The following TRIM41 variants were observed in gnomAD, a reference collection of about 807,000 sequenced individuals.
TRIM41 encodes the protein E3 ubiquitin-protein ligase TRIM41.
TRIM41 carries 21 observed loss-of-function variants against 60.6 expected under a neutral mutation model. The observed-to-expected ratio is 0.35, with a 90% CI of 0.25 to 0.50. TRIM41 has a LOEUF of 0.50. TRIM41 is among the 20% of genes least tolerant of loss of function. The pLI is 0.98. For synonymous variants in TRIM41, 407 were observed against 344.9 expected (o/e 1.18, Z -2.00); for missense variants, 846 against 868.3 (o/e 0.97, Z 0.32).
intron 2 of TRIM41, chr5:181,232,261 G>GT (rs201837499): frequency 0.013 from 2,720 of 203,940 alleles, 31 homozygotes; most frequent in South Asian, 0.032. Context: ...GGGAAAGGAT[G>GT]TTAACAGTTA....
Position 181,233,944 on chromosome 5 carries a change from AGGGTG to A in TRIM41, c.1291+193_1291+197del. Reference sequence around the variant, plus strand: ...GTAGACCTAGTGCAGGCAGGCCTGGAGGGTGGGGTGGGGTGGAGTGGCAGGAAGAG... The same window carrying A: ...GTAGACCTAGTGCAGGCAGGCCTGGAGGGTGGGGTGGAGTGGCAGGAAGAG... On this transcript the variant is annotated intron_variant, in intron 5 of 5. Transcript: ENST00000315073. This position sits in a 1 kb window ranked among gnomAD's most constrained non-coding sequence, Gnocchi z 4.1. The A allele has an allele frequency of 1.7e-6, 2 of 1,180,282 alleles. No homozygotes were observed. 73.1% of individuals were successfully genotyped at this position (1,180,282 alleles called of 1,614,324 possible).
chr5:181,234,207 C>G lies in TRIM41; in HGVS notation c.1325C>G (p.Pro442Arg). ...DLTLDPDTAH[P>R]ALMLSPDRRG... is the part of the protein sequence containing the mutation. ...ACGCTGGACCCTGACACGGCTCACC[C>G]GGCCCTGATGCTGTCCCCTGACCGC... The change falls in exon 6 of 6, where the codon CCG (proline) becomes CGG (arginine). Residue 442 changes from proline to arginine, a missense_variant. Transcript: ENST00000315073. The surrounding 1 kb of genome is among the most constrained non-coding windows in gnomAD (Gnocchi z 5.6). 1.2e-6 allele frequency: 2 copies of G among 1,612,946 alleles called. No homozygotes were observed. The highest frequency in any genetic ancestry group is 1.7e-6 in the Non-Finnish European group (2 of 1,179,986).
Position 181,223,400 on chromosome 5 carries a change from C to G in TRIM41, c.-600C>G, listed in dbSNP as rs942265769. On this transcript the variant is annotated 5_prime_UTR_variant, in exon 1 of 6. Transcript: ENST00000315073. ...AGACGGCCGCCAGGCGCTCCCCCTA[C>G]CCCCCGAAGTTTCTCCCCAGCGGCG... is the stretch of plus-strand genomic sequence containing the variant. The G allele has an allele frequency of 3.0e-5, 12 of 399,910 alleles. No homozygotes were observed. The Admixed American group carries it at 3.9e-4, about 13-fold the overall frequency. The allele number at this position is 399,910 out of a possible 1,614,324, so 24.8% of individuals were successfully genotyped here.
chr5:181,226,683 C>G (rs1229180624), intron 1 of TRIM41: 1 of 152,170 alleles, frequency 6.6e-6, no homozygotes, highest in Non-Finnish European at 1.5e-5. Context: ...AACAGGAACC[C>G]AGGCCAAACT....
Position 181,233,844 on chromosome 5 carries a change from A to G in TRIM41, c.1291+81A>G. On this transcript the variant is annotated intron_variant, in intron 5 of 5. Transcript: ENST00000315073. The surrounding 1 kb of genome is among the most constrained non-coding windows in gnomAD (Gnocchi z 4.1). ...TGGGTCCTGAGGGAAGTTGGGCCCC[A>G]GGGAAACTGTGGGGCTTGAGATGGA... is the stretch of plus-strand genomic sequence containing the variant. 6.2e-7 allele frequency: 1 copy of G among 1,602,130 alleles called. No individual in the cohort carries two copies. Among genetic ancestry groups the G allele is most frequent in the Non-Finnish European group, 8.5e-7 (1 of 1,171,330 alleles).
At chr5:181,232,395 G>A in intron 2 of TRIM41, 1 of 475,892 alleles carries the variant, frequency 2.1e-6, no homozygotes, top group African/African-American at 2.0e-5. Flanking sequence ...TTTAAGGTTG[G>A]ACCTGAAGGA....
At position 181,224,203 on chromosome 5, in the gene TRIM41, AGAG is replaced by A. The variant is rs1561666260; in HGVS notation, c.213_215del (p.Glu72del). ...ATCGGGAGGAGGAGGAGGAGGACGG[AGAG>A]GAGGAGGAAGTGGAGGCTGTGGGGG... On this transcript the variant is annotated inframe_deletion, in exon 1 of 6. Transcript: ENST00000315073. 8 of 1,610,980 alleles carry A rather than the reference AGAG, an allele frequency of 5.0e-6. No homozygotes were observed. Among genetic ancestry groups the A allele is most frequent in the South Asian group, 1.1e-5 (1 of 90,914 alleles).
At position 181,235,641 on chromosome 5, in the gene TRIM41, C is replaced by A. The variant is rs563043460; in HGVS notation, c.*866C>A. 2 of 522,460 alleles carry A rather than the reference C, an allele frequency of 3.8e-6. No individual in the cohort carries two copies. The highest frequency in any genetic ancestry group is 6.9e-6 in the Non-Finnish European group (2 of 291,772). The allele number at this position is 522,460 out of a possible 1,614,324, so 32.4% of individuals were successfully genotyped here. On this transcript the variant is annotated 3_prime_UTR_variant, in exon 6 of 6. Coordinates refer to ENST00000315073, the MANE Select transcript of TRIM41 (RefSeq NM_033549.5). ...CAAGCTCTGAGGGGGAGCCTGGGGA[C>A]GGGTTTGGGTCCCCAGGAGGAGAGC... is the stretch of plus-strand genomic sequence containing the variant.
chr5:181,233,901 G>A lies in TRIM41; in HGVS notation c.1291+138G>A, dbSNP rs1346288752. On this transcript the variant is annotated intron_variant, in intron 5 of 5. Coordinates refer to ENST00000315073, the MANE Select transcript of TRIM41 (RefSeq NM_033549.5). This position sits in a 1 kb window ranked among gnomAD's most constrained non-coding sequence, Gnocchi z 4.1. ...TCCAGGCAGCCACTCTGAGGTTGAG[G>A]TTTCAAGCCATGAGCAGGTAGACCT... 3.5e-6 allele frequency: 5 copies of A among 1,421,378 alleles called. No homozygotes were observed. Among genetic ancestry groups the A allele is most frequent in the Admixed American group, 1.9e-5 (1 of 51,660 alleles). 88.0% of individuals were successfully genotyped at this position (1,421,378 alleles called of 1,614,324 possible).
chr5:181,234,632 G>A lies in TRIM41; in HGVS notation c.1750G>A (p.Asp584Asn), dbSNP rs1758988389. Residue 584 changes from aspartate (D) to asparagine (N), a missense_variant, in exon 6 of 6, where the codon GAC (aspartate) becomes AAC (asparagine). By Grantham distance (23) the Asp-to-Asn change is conservative. Transcript: ENST00000315073. The surrounding 1 kb of genome is among the most constrained non-coding windows in gnomAD (Gnocchi z 5.6). ...ACCAAGGCGCTTTGGTGTGTACCTG[G>A]ACTATGAAGCTGGGCGCCTGGGCTT... is the stretch of plus-strand genomic sequence containing the variant. The part of the protein sequence containing the change: ...EKPRRFGVYL[D>N]YEAGRLGFYN... The A allele has an allele frequency of 6.2e-7, 1 of 1,614,240 alleles. No individual in the cohort carries two copies.
intron 1 of TRIM41, chr5:181,229,372 G>C (rs1424706609): frequency 6.6e-6 from 1 of 152,240 alleles, no homozygotes; most frequent in Admixed American, 6.5e-5. Flanking sequence ...GTCCTGACTG[G>C]AGTCAGGCTG....
At chr5:181,225,992 C>T (rs899206767) in intron 1 of TRIM41, 10 of 152,250 alleles carry the variant, frequency 6.6e-5, no homozygotes, top group African/African-American at 1.7e-4. Flanking sequence ...GTATTATTTT[C>T]GTTACCCCAA....
intron 1 of TRIM41, chr5:181,226,016 T>C (rs1758535790): frequency 6.6e-6 from 1 of 152,216 alleles, no homozygotes; most frequent in African/African-American, 2.4e-5. Flanking sequence ...TAGAGTAATG[T>C]GTCTAGGGTT....
At position 181,234,936 on chromosome 5, in the gene TRIM41, C is replaced by A. The variant is rs896339171; in HGVS notation, c.*161C>A. ...GGCCCCTGCTTCTCCCTCTAGGAGC[C>A]TAAAGAACCCTCCTGGCCTCCAGCT... is the stretch of plus-strand genomic sequence containing the variant. On this transcript the variant is annotated 3_prime_UTR_variant, in exon 6 of 6. Coordinates refer to ENST00000315073, the MANE Select transcript of TRIM41 (RefSeq NM_033549.5). This position sits in a 1 kb window ranked among gnomAD's most constrained non-coding sequence, Gnocchi z 5.6. 5 of 1,613,874 alleles carry A rather than the reference C, an allele frequency of 3.1e-6. No homozygotes were observed. The Admixed American group carries it at 5.0e-5, about 16-fold the overall frequency.
chr5:181,227,249 G>C (rs1184234039), intron 1 of TRIM41: 1 of 152,190 alleles, frequency 6.6e-6, no homozygotes, highest in South Asian at 2.1e-4. Context: ...CTGACATTAA[G>C]TGATGAGTAA....
Position 181,235,137 on chromosome 5 carries a change from C to G in TRIM41, c.*362C>G. 6.4e-7 allele frequency: 1 copy of G among 1,555,214 alleles called. No homozygotes were observed. ...CTTAACTTCCTTTTCCCCACCCCTGCTCTTCAACCTCTTTATCAGTTCTGA... is the reference window on the plus strand; with the variant it reads ...CTTAACTTCCTTTTCCCCACCCCTGGTCTTCAACCTCTTTATCAGTTCTGA... On this transcript the variant is annotated 3_prime_UTR_variant, in exon 6 of 6. Coordinates refer to ENST00000315073, the MANE Select transcript of TRIM41 (RefSeq NM_033549.5).
At chr5:181,225,048 G>A (rs1758488619) in intron 1 of TRIM41, 1 of 592,058 alleles carries the variant, frequency 1.7e-6, no homozygotes, top group African/African-American at 1.9e-5. Context: ...AAAGCAAATA[G>A]AGCAAAGCCG....
Position 181,235,806 on chromosome 5 carries a change from T to C in TRIM41, c.*1031T>C, listed in dbSNP as rs986893276. 1.0e-5 allele frequency: 2 copies of C among 197,402 alleles called. No homozygotes were observed. The highest frequency in any genetic ancestry group is 4.6e-5 in the African/African-American group (2 of 43,426). 12.2% of individuals were successfully genotyped at this position (197,402 alleles called of 1,614,324 possible). ...TGGAAATAAAATGTTTATTTGCTTC[T>C]CTTGTGAGGTCTGTTCCTTCAGGTG... On this transcript the variant is annotated 3_prime_UTR_variant, in exon 6 of 6. Coordinates refer to ENST00000315073, the MANE Select transcript of TRIM41 (RefSeq NM_033549.5).
intron 1 of TRIM41, chr5:181,229,024 A>G (rs1758680720): frequency 6.6e-6 from 1 of 151,852 alleles, no homozygotes; most frequent in South Asian, 2.1e-4. Flanking sequence ...CTAGAAAAGT[A>G]GAAAGTTATA....
Sources: gnomAD v4.1 joint callset for allele counts on GRCh38, gnomAD v4.1.1 for gene constraint, Gnocchi (gnomAD v3.1) non-coding constraint, MANE v1.5 for transcripts, NCBI Gene and HGNC (gene_info 2026-07-23, HGNC 2026-07-21) for gene names.